The following SGCZ variants were observed in gnomAD, a reference collection of about 807,000 sequenced individuals.
The protein encoded by SGCZ is zeta-sarcoglycan.
SGCZ carries 40 observed loss-of-function variants against 41.3 expected under a neutral mutation model. The observed-to-expected ratio is 0.97, with a 90% CI of 0.75 to 1.26. The LOEUF is 1.26. SGCZ is among the 50% of genes most tolerant of loss of function. SGCZ has a pLI of 0.00. For synonymous variants in SGCZ, 206 were observed against 137.5 expected, an observed-to-expected ratio of 1.50 and a Z score of -3.49; for missense variants, 552 against 369.8, an observed-to-expected ratio of 1.49 and a Z score of -4.04.
At chr8:15,008,104 T>C (rs1459306744) in intron 1 of SGCZ, among the ~76,000 whole-genome samples, 1 of 152,214 alleles carries the variant, frequency 6.6e-6, no homozygotes, top group Non-Finnish European at 1.5e-5. Flanking sequence ...GTCTAAGTCT[T>C]CTTATCAAAA....
intron 2 of SGCZ, among the ~76,000 whole-genome samples, chr8:14,403,290 C>T (rs1365296462): frequency 6.7e-6 from 1 of 150,248 alleles, no homozygotes. Flanking sequence ...TTTCCTTCTC[C>T]TGCCTCACTG....
intron 1 of SGCZ, among the ~76,000 whole-genome samples, chr8:15,221,245 G>A (rs1441652231): frequency 1.3e-5 from 2 of 152,128 alleles, no homozygotes; most frequent in Non-Finnish European, 2.9e-5. Context: ...CTGGATTTGC[G>A]AAGAAGGGTG....
At chr8:14,161,640 T>C (rs1804048955) in intron 5 of SGCZ, among the ~76,000 whole-genome samples, 1 of 152,230 alleles carries the variant, frequency 6.6e-6, no homozygotes, top group Non-Finnish European at 1.5e-5. Context: ...TCCAACCTTT[T>C]ACAATAATCT....
chr8:14,870,727 CAA>C (rs369022083), intron 1 of SGCZ, among the ~76,000 whole-genome samples: 4 of 136,648 alleles, frequency 2.9e-5, no homozygotes, highest in South Asian at 2.3e-4. Context: ...AACAAGTTTA[CAA>C]AAAAAAAAAG....
In SGCZ at chr8:14,088,654, AAATAT is replaced by A. The variant is rs1801599299; in HGVS notation, c.*1784_*1788del. Among the ~76,000 whole-genome samples the A allele has an allele frequency of 6.6e-6, 1 of 151,906 alleles. No individual in the cohort carries two copies. The highest frequency in any genetic ancestry group is 2.4e-5 in the African/African-American group (1 of 41,420). ...TTTAAAAAGTTATATAATAACACCC[AAATAT>A]AATCACATTTTATTTTAACAGTAAT... On this transcript the variant is annotated 3_prime_UTR_variant, in exon 8 of 8. Coordinates refer to ENST00000382080, the MANE Select transcript of SGCZ (RefSeq NM_139167.4).
chr8:14,820,678 C>T (rs946528888), intron 1 of SGCZ, among the ~76,000 whole-genome samples: 2 of 151,774 alleles, frequency 1.3e-5, no homozygotes, highest in African/African-American at 4.8e-5. Context: ...TAGAAGTCAA[C>T]AAGAAAAACT....
intron 1 of SGCZ, among the ~76,000 whole-genome samples, chr8:15,120,543 C>G (rs1162252108): frequency 6.6e-6 from 1 of 152,064 alleles, no homozygotes; most frequent in Admixed American, 6.6e-5. Flanking sequence ...CTTTTATTTT[C>G]AATTTACCAG....
intron 2 of SGCZ, among the ~76,000 whole-genome samples, chr8:14,390,053 A>G (rs1431317798): frequency 6.6e-6 from 1 of 152,036 alleles, no homozygotes; most frequent in Non-Finnish European, 1.5e-5. Flanking sequence ...ATCCGTTTGT[A>G]GAACTTTAAA....
intron 1 of SGCZ, among the ~76,000 whole-genome samples, chr8:15,147,000 G>T (rs1037414285): frequency 1.3e-5 from 2 of 152,134 alleles, no homozygotes; most frequent in East Asian, 1.9e-4. Context: ...CTATTGAAGG[G>T]CTGAAAACTG....
At chr8:14,109,103 A>G (rs958203426) in intron 5 of SGCZ, among the ~76,000 whole-genome samples, 33 of 152,220 alleles carry the variant, frequency 2.2e-4, no homozygotes, top group African/African-American at 7.0e-4. Flanking sequence ...GCTAGAGAAC[A>G]TGTCATGTTA....
intron 2 of SGCZ, among the ~76,000 whole-genome samples, chr8:14,370,444 C>T (rs1308068475): frequency 6.6e-6 from 1 of 151,754 alleles, no homozygotes; most frequent in Non-Finnish European, 1.5e-5. Context: ...TTTCAAGTTT[C>T]TGAAACAAAT....
chr8:14,367,152 G>T (rs967411195), intron 2 of SGCZ, among the ~76,000 whole-genome samples: 1 of 151,988 alleles, frequency 6.6e-6, no homozygotes, highest in Non-Finnish European at 1.5e-5. Flanking sequence ...ACAGATCTTC[G>T]GGACAGGGGC....
chr8:14,578,759 C>T (rs572349766), intron 1 of SGCZ, among the ~76,000 whole-genome samples: 216 of 152,122 alleles, frequency 1.4e-3, no homozygotes, highest in African/African-American at 5.0e-3. Context: ...TTCATTAGTC[C>T]ATAAAGAAAA....
chr8:15,016,710 G>A (rs939448014), intron 1 of SGCZ, among the ~76,000 whole-genome samples: 2 of 152,062 alleles, frequency 1.3e-5, no homozygotes, highest in Non-Finnish European at 2.9e-5. Flanking sequence ...GCTATAACGA[G>A]GTATCTGAGA....
chr8:14,581,459 T>C (rs1012782915), intron 1 of SGCZ, among the ~76,000 whole-genome samples: 2 of 151,914 alleles, frequency 1.3e-5, no homozygotes, highest in Non-Finnish European at 2.9e-5. Context: ...GTTTTTTTTT[T>C]TCCCCCACAG....
intron 1 of SGCZ, among the ~76,000 whole-genome samples, chr8:14,928,254 G>C (rs941201187): frequency 6.6e-6 from 1 of 152,080 alleles, no homozygotes; most frequent in East Asian, 1.9e-4. Context: ...CAGAATGTTG[G>C]CATAGGACTT....
chr8:14,765,513 T>C (rs1023192138), intron 1 of SGCZ, among the ~76,000 whole-genome samples: 1 of 152,226 alleles, frequency 6.6e-6, no homozygotes, highest in Non-Finnish European at 1.5e-5. Context: ...TCCGTTCATA[T>C]ACAAATGCAC....
At chr8:14,228,892 C>T (rs60644575) in intron 4 of SGCZ, among the ~76,000 whole-genome samples, 3,750 of 152,158 alleles carry the variant, frequency 0.025, 160 homozygotes, top group African/African-American at 0.085. Flanking sequence ...AATGATTTTA[C>T]CAGATTAGCT....
chr8:14,389,705 G>C (rs970243374), intron 2 of SGCZ, among the ~76,000 whole-genome samples: 1 of 151,926 alleles, frequency 6.6e-6, no homozygotes, highest in Non-Finnish European at 1.5e-5. Flanking sequence ...GTGTTAAGCG[G>C]CAAGAGGAAA....
Sources: gnomAD v4.1 joint callset for allele counts (sites outside exome capture counted in the v4.1 genomes callset) on GRCh38, gnomAD v4.1.1 for gene constraint, MANE v1.5 for transcripts, NCBI Gene and HGNC (gene_info 2026-07-23, HGNC 2026-07-21) for gene names.